The following POLR3A variants were observed in gnomAD, a reference collection of about 807,000 sequenced individuals.
POLR3A encodes DNA-directed RNA polymerase III subunit RPC1.
In POLR3A, 112 loss-of-function variants were observed where a neutral mutation model predicts 152.8. The observed-to-expected ratio is 0.73, with a 90% CI of 0.63 to 0.86. POLR3A has a LOEUF of 0.86. Among genes scored for constraint, POLR3A ranks in the 40% least tolerant of loss-of-function variants. The pLI, the probability that POLR3A is intolerant of heterozygous loss-of-function variation, is 0.00. For missense variants in POLR3A, 1,385 were observed against 1,743.1 expected (o/e 0.79, Z 3.66); for synonymous variants, 615 against 652.1 (o/e 0.94, Z 0.87).
chr10:77,982,297 C>G lies in POLR3A; in HGVS notation c.3616G>C (p.Glu1206Gln). Residue 1206 changes from glutamate to glutamine, a missense_variant, in exon 28 of 31, where the codon GAG (glutamate) becomes CAG (glutamine). Around this residue, in one of 7 missense-constraint regions of POLR3A, gnomAD observed 332 missense variants for 400.1 expected, o/e 0.83. Transcript: ENST00000372371. ...LPKVVVQGIPEVSRAVIHIDE... is the reference protein window; with the variant it reads ...LPKVVVQGIPQVSRAVIHIDE... The stretch of plus-strand genomic sequence containing the variant: ...ATGTGGATGACAGCTCTGGACACCT[C>G]TGGAATGCCCTGCACCACCACCTGG... 1 of 1,614,034 alleles carries G rather than the reference C, an allele frequency of 6.2e-7. No homozygotes were observed. Among genetic ancestry groups the G allele is most frequent in the Non-Finnish European group, 8.5e-7 (1 of 1,180,008 alleles).
At chr10:78,005,044 C>G (rs993193408) in intron 15 of POLR3A, among the ~76,000 whole-genome samples, 156 bp from the exon 16 acceptor site, 4 of 152,328 alleles carry the variant, frequency 2.6e-5, no homozygotes, top group African/African-American at 9.6e-5. Context: ...CAGAATTCAT[C>G]ACAATTCAAT....
chr10:77,986,183 C>T (rs756720364), intron 21 of POLR3A, 24 bp from the exon 22 acceptor site: 2 of 1,115,018 alleles, frequency 1.8e-6, no homozygotes, highest in South Asian at 1.2e-5. Flanking sequence ...CAGCAAACAT[C>T]ATTTGTAAGT....
chr10:77,999,293 TATA>T (rs1379300632), intron 19 of POLR3A, among the ~76,000 whole-genome samples: 4 of 152,066 alleles, frequency 2.6e-5, no homozygotes, highest in Non-Finnish European at 5.9e-5. Context: ...AACTTAAAAG[TATA>T]ATAATAATAA....
Position 78,025,684 on chromosome 10 carries a change from T to A in POLR3A, c.256A>T (p.Ile86Phe). The A allele has an allele frequency of 6.2e-7, 1 of 1,614,068 alleles. No individual in the cohort carries two copies. Among genetic ancestry groups the A allele is most frequent in the Non-Finnish European group, 8.5e-7 (1 of 1,179,946 alleles). ...TGAAAACACGGCAACTCCAGGTCGA[T>A]ATACCCATAGTGGCCTAGACAGTCA... Reference protein sequence around the residue: ...LADCLGHYGYIDLELPCFHVG... With the variant: ...LADCLGHYGYFDLELPCFHVG... Residue 86 changes from isoleucine (I) to phenylalanine (F), a missense_variant, in exon 3 of 31, where the codon ATC (isoleucine) becomes TTC (phenylalanine). Physicochemically the swap from Ile to Phe is conservative, Grantham distance 21. Around this residue, in one of 7 missense-constraint regions of POLR3A, gnomAD observed 493 missense variants for 647.5 expected, o/e 0.76. Coordinates refer to ENST00000372371, the MANE Select transcript of POLR3A (RefSeq NM_007055.4).
At chr10:78,016,433 G>A (rs947294648) in intron 10 of POLR3A, among the ~76,000 whole-genome samples, 1 of 149,704 alleles carries the variant, frequency 6.7e-6, no homozygotes, top group Non-Finnish European at 1.5e-5. Context: ...AAAAAAAAAG[G>A]GTGGGCACAG....
chr10:77,996,974 C>T (rs187172807), intron 19 of POLR3A, among the ~76,000 whole-genome samples: 164 of 152,220 alleles, frequency 1.1e-3, no homozygotes, highest in African/African-American at 3.8e-3. Context: ...ATGATCAAGT[C>T]GGCTTCATCC....
intron 8 of POLR3A, 66 bp downstream of exon 8, chr10:78,021,480 A>G (rs1847578804): frequency 6.4e-7 from 1 of 1,565,866 alleles, no homozygotes; most frequent in Non-Finnish European, 8.8e-7. Flanking sequence ...GTTGTTTGCA[A>G]TACCAAAATA....
chr10:78,025,781 A>G (rs776496844), intron 2 of POLR3A, 22 bp from the exon 3 acceptor site: 33 of 1,612,268 alleles, frequency 2.0e-5, no homozygotes, highest in Admixed American at 3.3e-5. Flanking sequence ...AGCACACCCA[A>G]TGATCAACAC....
chr10:77,984,104 G>T, intron 25 of POLR3A, 92 bp from the exon 26 acceptor site: 2 of 1,223,290 alleles, frequency 1.6e-6, no homozygotes, highest in Non-Finnish European at 2.4e-6. Context: ...CTTGAGTAGT[G>T]TGGACGCCAC....
intron 18 of POLR3A, among the ~76,000 whole-genome samples, 165 bp from the exon 19 acceptor site, chr10:78,000,283 A>G (rs1043639243): frequency 5.9e-5 from 9 of 152,190 alleles, no homozygotes; most frequent in African/African-American, 2.2e-4. Context: ...ATGGAGAAAT[A>G]CTTTATACCA....
rs148664903 is a variant in POLR3A, at chr10:77,982,158, T to C, written c.3755A>G (p.Tyr1252Cys). The C allele has an allele frequency of 8.7e-6, 14 of 1,607,686 alleles. No homozygotes were observed. The highest frequency in any genetic ancestry group is 1.7e-4 in the Middle Eastern group (1 of 6,056). ...KGTRTTSNNT[Y>C]EVEKTLGIEA... The stretch of plus-strand genomic sequence containing the variant: ...ACCCCGTGGGCTGAGTGGTACCTCA[T>C]AGGTGTTATTGGAGGTGGTTCGGGT... Residue 1252 changes from tyrosine (Y) to cysteine (C), a missense_variant, in exon 28 of 31, where the codon TAT becomes TGT. Tyr to Cys is a radical substitution (Grantham distance 194). This residue lies in a region of POLR3A where 332 missense variants were observed against 400.1 expected (regional missense o/e 0.83). Transcript: ENST00000372371.
At chr10:78,018,367 C>T (rs1279528397) in intron 9 of POLR3A, among the ~76,000 whole-genome samples, 4 of 151,412 alleles carry the variant, frequency 2.6e-5, no homozygotes, top group East Asian at 1.9e-4. Context: ...GGTGTGGTGG[C>T]GGGTGCCTGT....
chr10:78,012,914 G>C (rs1467730204), intron 11 of POLR3A, among the ~76,000 whole-genome samples: 1 of 152,254 alleles, frequency 6.6e-6, no homozygotes, highest in East Asian at 1.9e-4. Flanking sequence ...TAGAGATGGA[G>C]TTTCGCCATG....
chr10:78,013,632 C>T lies in POLR3A; in HGVS notation c.1572+18G>A, dbSNP rs777037340. 1.2e-6 allele frequency: 2 copies of T among 1,613,606 alleles called. No homozygotes were observed. Among genetic ancestry groups the T allele is most frequent in the Admixed American group, 3.3e-5 (2 of 59,998 alleles). ...AAGGAGCTGTTATGCAAAAGCTGGG[C>T]TGTGCCACCCTACATACCCCCATCA... On this transcript the variant is annotated intron_variant, in intron 11 of 30. Coordinates refer to ENST00000372371, the MANE Select transcript of POLR3A (RefSeq NM_007055.4).
chr10:78,004,859 C>T lies in POLR3A; in HGVS notation c.2104G>A (p.Asp702Asn). ...SNRGFSIGIG[D>N]VTPGQGLLKA... ...AGCAGTCCTTGGCCAGGTGTGACAT[C>T]ACCGATCCCAATTGAGAAACCACGG... The change falls in exon 16 of 31, where the codon GAT becomes AAT. Residue 702 changes from aspartate (D) to asparagine (N), a missense_variant. By Grantham distance (23) the Asp-to-Asn change is conservative. Around this residue, in one of 7 missense-constraint regions of POLR3A, gnomAD observed 170 missense variants for 231.2 expected, o/e 0.74. Transcript: ENST00000372371. The T allele has an allele frequency of 6.2e-7, 1 of 1,614,152 alleles. No homozygotes were observed. The highest frequency in any genetic ancestry group is 8.5e-7 in the Non-Finnish European group (1 of 1,180,008).
chr10:78,021,752 G>A, intron 7 of POLR3A, 70 bp from the exon 8 acceptor site: 1 of 1,610,540 alleles, frequency 6.2e-7, no homozygotes, highest in Admixed American at 1.7e-5. Context: ...TAAGAACGGA[G>A]AGACTGAGGA....
At position 77,977,017 on chromosome 10, in the gene POLR3A, G is replaced by A. The variant is rs1289489357; in HGVS notation, c.*461C>T. 1 of 163,390 alleles carries A rather than the reference G, an allele frequency of 6.1e-6. No homozygotes were observed. Among genetic ancestry groups the A allele is most frequent in the East Asian group, 1.7e-4 (1 of 5,776 alleles). The allele number at this position is 163,390 out of a possible 1,614,324, so 10.1% of individuals were successfully genotyped here. A position where few individuals can be genotyped will look rare whatever the true frequency, so the allele number is the denominator to read the frequency against. On this transcript the variant is annotated 3_prime_UTR_variant, in exon 31 of 31. Coordinates refer to ENST00000372371, the MANE Select transcript of POLR3A (RefSeq NM_007055.4). ...ATAGTAACAATATTTACATAAGTAT[G>A]TCACATTGAGAGATTCCAGCATGAC...
Position 78,025,015 on chromosome 10 carries a change from T to C in POLR3A, c.446A>G (p.Lys149Arg). Residue 149 changes from lysine to arginine, a missense_variant, in exon 4 of 31, where the codon AAG becomes AGG. Lys to Arg is a conservative substitution (Grantham distance 26). Transcript: ENST00000372371. Reference protein sequence around the residue: ...KRGLKKKISDKCRKKNICHHC... With the variant: ...KRGLKKKISDRCRKKNICHHC... ...ATGGCAGATGTTTTTCTTCCGGCACTTGTCAGAGATTTTCTTTTTCAGTCC... is the reference window on the plus strand; with the variant it reads ...ATGGCAGATGTTTTTCTTCCGGCACCTGTCAGAGATTTTCTTTTTCAGTCC... 3 of 1,614,216 alleles carry C rather than the reference T, an allele frequency of 1.9e-6. No homozygotes were observed. Among genetic ancestry groups the C allele is most frequent in the Admixed American group, 1.7e-5 (1 of 60,026 alleles).
chr10:78,012,264 T>G (rs937372878), intron 11 of POLR3A, among the ~76,000 whole-genome samples: 1 of 151,810 alleles, frequency 6.6e-6, no homozygotes. Flanking sequence ...CTCAGGAGGC[T>G]GAGGCAGGAG....
Sources: allele counts gnomAD v4.1 joint callset (sites outside exome capture counted in the v4.1 genomes callset), GRCh38; gene constraint gnomAD v4.1.1; regional missense constraint gnomAD v4.1.1; transcripts MANE v1.5; gene names NCBI Gene and HGNC (gene_info 2026-07-23, HGNC 2026-07-21).